Variants in SPAG17 observed in about 807,000 individuals in gnomAD.
SPAG17 encodes the protein sperm-associated antigen 17.
SPAG17 carries 169 observed loss-of-function variants against 273.6 expected under a neutral mutation model. The ratio of observed to expected loss-of-function variants is 0.62; its 90% CI spans 0.55 to 0.70. SPAG17 has a LOEUF of 0.70. SPAG17 is among the 30% of genes least tolerant of loss of function. The pLI is 0.00. For missense variants in SPAG17, 2,557 were observed against 2,627.8 expected, an observed-to-expected ratio of 0.97 and a Z score of 0.59; for synonymous variants, 825 against 873.2, an observed-to-expected ratio of 0.94 and a Z score of 0.97.
At chr1:118,005,702 G>C (rs1658808553) in intron 31 of SPAG17, 100 bp from the exon 32 acceptor site, 1 of 812,578 alleles carries the variant, frequency 1.2e-6, no homozygotes, top group African/African-American at 1.8e-5. Context: ...ATAGATCCTA[G>C]TCACAAACTG....
intron 43 of SPAG17, among the ~76,000 whole-genome samples, chr1:117,974,539 A>AAT (rs1654928910): frequency 6.6e-6 from 1 of 152,130 alleles, no homozygotes; most frequent in Non-Finnish European, 1.5e-5. Flanking sequence ...TAAAAAAAAA[A>AAT]TCCCAAGCAT....
chr1:118,075,813 C>G (rs969413393), intron 15 of SPAG17, among the ~76,000 whole-genome samples: 2 of 152,164 alleles, frequency 1.3e-5, no homozygotes, highest in Non-Finnish European at 2.9e-5. Context: ...TTCTTTCTCT[C>G]TGGTATGCTT....
At chr1:118,044,624 T>A (rs1189250146) in intron 20 of SPAG17, among the ~76,000 whole-genome samples, 3 of 152,182 alleles carry the variant, frequency 2.0e-5, no homozygotes, top group African/African-American at 7.2e-5. Context: ...GTGTTCCTGC[T>A]CAAATCTCAT....
chr1:118,098,290 T>A (rs949384429), intron 6 of SPAG17, among the ~76,000 whole-genome samples: 1 of 152,152 alleles, frequency 6.6e-6, no homozygotes, highest in Admixed American at 6.5e-5. Context: ...ACAGAGTGGA[T>A]CAATGTTGTA....
chr1:118,125,728 C>T (rs1209881753), intron 3 of SPAG17, among the ~76,000 whole-genome samples: 1 of 152,208 alleles, frequency 6.6e-6, no homozygotes, highest in Non-Finnish European at 1.5e-5. Context: ...TGGCAGAATA[C>T]TATTCCATTT....
In SPAG17 at chr1:118,040,763, G is replaced by T. The variant is rs772427358; in HGVS notation, c.3133C>A (p.Gln1045Lys). The change falls in exon 22 of 49, where the codon CAG becomes AAG. Residue 1045 changes from glutamine to lysine, a missense_variant. Physicochemically the swap from Gln to Lys is moderately conservative, Grantham distance 53. Coordinates refer to ENST00000336338, the MANE Select transcript of SPAG17 (RefSeq NM_206996.4). ...NYYLYPSDGG[Q>K]IEVEKTMFEK... ...AACATTGTCTTTTCCACTTCAATCTGCCCCCCATCAGAAGGATACAGGTAG... is the reference window on the plus strand; with the variant it reads ...AACATTGTCTTTTCCACTTCAATCTTCCCCCCATCAGAAGGATACAGGTAG... The T allele has an allele frequency of 1.2e-6, 2 of 1,603,536 alleles. No homozygotes were observed. The highest frequency in any genetic ancestry group is 1.7e-6 in the Non-Finnish European group (2 of 1,170,418).
At chr1:118,013,342 T>G (rs980473141) in intron 29 of SPAG17, among the ~76,000 whole-genome samples, 1 of 152,204 alleles carries the variant, frequency 6.6e-6, no homozygotes, top group African/African-American at 2.4e-5. Context: ...TAGCTCTTTA[T>G]GGTAGGTGGC....
intron 46 of SPAG17, 28 bp from the exon 47 acceptor site, chr1:117,966,781 C>T: frequency 6.4e-6 from 10 of 1,570,932 alleles, no homozygotes; most frequent in Non-Finnish European, 7.8e-6. Flanking sequence ...GCTTTAGGAC[C>T]AGACAACTCT....
intron 6 of SPAG17, 24 bp from the exon 7 acceptor site, chr1:118,097,875 T>G (rs760774200): frequency 2.7e-6 from 4 of 1,502,258 alleles, no homozygotes; most frequent in Non-Finnish European, 3.6e-6. Context: ...CATGTTTATA[T>G]TACCAAATGA....
chr1:117,959,435 A>G (rs1468267488), intron 48 of SPAG17: 1 of 1,610,624 alleles, frequency 6.2e-7, no homozygotes, highest in Non-Finnish European at 8.5e-7. Flanking sequence ...AGTTGATTCT[A>G]ACGTTGACTT....
At position 118,039,311 on chromosome 1, in the gene SPAG17, C is replaced by T. The variant is rs558524286; in HGVS notation, c.3300G>A (p.Glu1100=). Residue 1100 remains glutamate (E), a synonymous_variant, in exon 23 of 49, where the codon GAG becomes GAA. Transcript: ENST00000336338. Reference sequence around the variant, plus strand: ...GCTTACCCGTTTCAAGACTTTGTTCCTCATCTCCTTCTTCTTCCTCTTCTA... The same window carrying T: ...GCTTACCCGTTTCAAGACTTTGTTCTTCATCTCCTTCTTCTTCCTCTTCTA... The part of the protein sequence containing the change: ...YYLEEEEEGD[E]EQSLETEVSD... 2.6e-4 allele frequency: 418 copies of T among 1,612,764 alleles called. 1 individual carries two copies. In the South Asian group the frequency reaches 2.6e-3, roughly 10 times the overall value.
intron 1 of SPAG17, among the ~76,000 whole-genome samples, chr1:118,155,560 G>A (rs1407995657): frequency 1.3e-5 from 2 of 152,140 alleles, no homozygotes; most frequent in East Asian, 3.9e-4. Context: ...TGTCCCTGAA[G>A]GACTCGAGAT....
At chr1:117,969,717 G>C (rs540696395) in intron 46 of SPAG17, among the ~76,000 whole-genome samples, 8 of 152,180 alleles carry the variant, frequency 5.3e-5, no homozygotes, top group East Asian at 3.9e-4. Context: ...TTTTCACTTC[G>C]CATAAGGATT....
chr1:118,081,008 A>T, intron 15 of SPAG17, 93 bp downstream of exon 15: 1 of 991,950 alleles, frequency 1.0e-6, no homozygotes, highest in Non-Finnish European at 1.5e-6. Flanking sequence ...CTTAAATTCA[A>T]ATAATGCATC....
At position 118,115,317 on chromosome 1, in the gene SPAG17, T is replaced by G. The variant is rs773643788; in HGVS notation, c.440A>C (p.Glu147Ala). Residue 147 changes from glutamate (E) to alanine (A), a missense_variant, in exon 4 of 49, where the codon GAA becomes GCA. Glu to Ala is a moderately radical substitution (Grantham distance 107, BLOSUM62 -1). Coordinates refer to ENST00000336338, the MANE Select transcript of SPAG17 (RefSeq NM_206996.4). ...CACCAGATCGTACAGTACCTTCTTT[T>G]CATTTTCCCGTCGCTGTTGGTCCTT... ...KFKDQQRRENEKKVIEDKPKL... is the reference protein window; with the variant it reads ...KFKDQQRRENAKKVIEDKPKL... The G allele has an allele frequency of 6.2e-6, 10 of 1,613,382 alleles. No homozygotes were observed. The African/African-American group carries it at 9.3e-5, about 15-fold the overall frequency.
At chr1:118,115,630 C>T (rs1012235313) in intron 3 of SPAG17, among the ~76,000 whole-genome samples, 189 bp from the exon 4 acceptor site, 2 of 151,960 alleles carry the variant, frequency 1.3e-5, no homozygotes, top group Admixed American at 1.3e-4. Flanking sequence ...TTACCCTCTA[C>T]TTTAAATAAA....
intron 18 of SPAG17, among the ~76,000 whole-genome samples, chr1:118,065,149 T>C (rs1652824848): frequency 6.6e-6 from 1 of 152,134 alleles, no homozygotes; most frequent in East Asian, 1.9e-4. Flanking sequence ...TAGACACACG[T>C]AACACAGGTT....
chr1:118,129,083 G>A (rs946379888), intron 3 of SPAG17, among the ~76,000 whole-genome samples: 13 of 152,154 alleles, frequency 8.5e-5, no homozygotes, highest in East Asian at 1.9e-4. Context: ...TACCTTCTTC[G>A]GGAAGCTGAA....
At chr1:118,097,240 A>C (rs766029361) in intron 7 of SPAG17, among the ~76,000 whole-genome samples, 1 of 141,996 alleles carries the variant, frequency 7.0e-6, no homozygotes, top group Admixed American at 7.1e-5. Flanking sequence ...AAAAAAAAAA[A>C]GGGGGGAATA....
Sources: allele counts gnomAD v4.1 joint callset (sites outside exome capture counted in the v4.1 genomes callset), GRCh38; gene constraint gnomAD v4.1.1; transcripts MANE v1.5; gene names NCBI Gene and HGNC (gene_info 2026-07-23, HGNC 2026-07-21).